Variants in RAD50 observed in about 807,000 individuals in gnomAD.
RAD50 encodes the protein RAD50 double strand break repair protein, also known as DNA repair protein RAD50.
In RAD50, 132 loss-of-function variants were observed where a neutral mutation model predicts 168.8. The observed-to-expected ratio is 0.78, with a 90% CI of 0.68 to 0.90. The LOEUF is 0.90. RAD50 is among the 40% of genes least tolerant of loss of function. The pLI, the probability that RAD50 is intolerant of heterozygous loss-of-function variation, is 0.00. For synonymous variants in RAD50, 525 were observed against 497.4 expected (o/e 1.06, Z -0.74); for missense variants, 1,347 against 1,534.4 (o/e 0.88, Z 2.04).
chr5:132,645,078 C>T lies in RAD50; in HGVS notation c.*2714C>T, dbSNP rs1326628784. The T allele has an allele frequency of 6.6e-6, 1 of 152,206 alleles. No homozygotes were observed. Among genetic ancestry groups the T allele is most frequent in the Non-Finnish European group, 1.5e-5 (1 of 68,072 alleles). The allele number at this position is 152,206 out of a possible 1,614,324, so 9.4% of individuals were successfully genotyped here. On this transcript the variant is annotated 3_prime_UTR_variant, in exon 25 of 25. Transcript: ENST00000378823. ...GTGAGAAGATACTCAGTTCTATGGT[C>T]TTATTCTAGAGCCCCGTCCTTTTAA...
At chr5:132,582,684 C>CT (rs959017843) in intron 5 of RAD50, among the ~76,000 whole-genome samples, 2 of 151,754 alleles carry the variant, frequency 1.3e-5, no homozygotes, top group Non-Finnish European at 2.9e-5. Flanking sequence ...ATGTTTCTAA[C>CT]TTTTTTTTTC....
chr5:132,606,501 C>T (rs1259510948), intron 16 of RAD50, among the ~76,000 whole-genome samples: 1 of 152,138 alleles, frequency 6.6e-6, no homozygotes, highest in African/African-American at 2.4e-5. Flanking sequence ...AAAAGAAGTC[C>T]AGGACCAGAC....
intron 13 of RAD50, among the ~76,000 whole-genome samples, chr5:132,602,034 T>G (rs1436927120): frequency 6.6e-6 from 1 of 152,108 alleles, no homozygotes; most frequent in African/African-American, 2.4e-5. Flanking sequence ...ATGTAGATGA[T>G]GGGTTCATGG....
At chr5:132,596,052 C>CA (rs918752377) in intron 13 of RAD50, among the ~76,000 whole-genome samples, 1 of 151,524 alleles carries the variant, frequency 6.6e-6, no homozygotes, top group African/African-American at 2.4e-5. Flanking sequence ...AGCTGGAGTG[C>CA]AGTGGCATGA....
intron 2 of RAD50, among the ~76,000 whole-genome samples, chr5:132,569,402 G>T (rs533179687): frequency 1.3e-5 from 2 of 152,112 alleles, no homozygotes; most frequent in Non-Finnish European, 1.5e-5. Flanking sequence ...CAGAACTAGG[G>T]AAAATGAAAC....
chr5:132,603,922 G>A lies in RAD50; in HGVS notation c.2400G>A (p.Met800Ile). ...AATCATTTTGTTATATTCTTAAGAT[G>A]GAACTTAAAGATGTTGAAAGAAAAA... ...TDVTIMERFQ[M>I]ELKDVERKIA... The change falls in exon 15 of 25, where the codon ATG (methionine) becomes ATA (isoleucine). Residue 800 changes from methionine to isoleucine, a missense_variant and splice_region_variant. This residue lies in a region of RAD50 where 635 missense variants were observed against 739.2 expected (regional missense o/e 0.86). Coordinates refer to ENST00000378823, the MANE Select transcript of RAD50 (RefSeq NM_005732.4). 6.3e-7 allele frequency: 1 copy of A among 1,596,388 alleles called. No homozygotes were observed.
chr5:132,566,626 C>T (rs1561631166), intron 2 of RAD50, among the ~76,000 whole-genome samples: 1 of 152,224 alleles, frequency 6.6e-6, no homozygotes, highest in Non-Finnish European at 1.5e-5. Flanking sequence ...TCTCAGTTCA[C>T]TCTGTTCACC....
chr5:132,566,748 C>T (rs766970004), intron 2 of RAD50, among the ~76,000 whole-genome samples: 5 of 152,232 alleles, frequency 3.3e-5, no homozygotes, highest in Non-Finnish European at 7.3e-5. Context: ...GTTTAGAAGG[C>T]TGTTAATTTC....
rs189338609 is a variant in RAD50, at chr5:132,623,494, A to G, written c.3389+5200A>G. Among the ~76,000 whole-genome samples the G allele has an allele frequency of 5.7e-3, 870 of 152,170 alleles. 13 individuals carry two copies. The highest frequency in any genetic ancestry group is 0.02 in the African/African-American group (838 of 41,532). On this transcript the variant is annotated intron_variant, in intron 21 of 24. Coordinates refer to ENST00000378823, the MANE Select transcript of RAD50 (RefSeq NM_005732.4). ...AGACTCTGTCTCAAAACTAACAATA[A>G]CAGTAATAATAATAACCCCAAGTTT... is the stretch of plus-strand genomic sequence containing the variant.
chr5:132,588,879 T>C lies in RAD50; in HGVS notation c.1244T>C (p.Met415Thr). ...EGEAKTANQL[M>T]NDFAEKETLK... ...GAAGCAAAAACTGCCAACCAACTGA[T>C]GGCAAGTATTTTGAAATACAGTATT... The change falls in exon 8 of 25, where the codon ATG becomes ACG. Residue 415 changes from methionine to threonine, a missense_variant and splice_region_variant. Physicochemically the swap from Met to Thr is moderately conservative, Grantham distance 81. Coordinates refer to ENST00000378823, the MANE Select transcript of RAD50 (RefSeq NM_005732.4). 1 of 1,608,406 alleles carries C rather than the reference T, an allele frequency of 6.2e-7. No individual in the cohort carries two copies.
chr5:132,638,775 G>A (rs1751649949), intron 23 of RAD50, among the ~76,000 whole-genome samples: 1 of 152,198 alleles, frequency 6.6e-6, no homozygotes, highest in Admixed American at 6.5e-5. Flanking sequence ...CTGGCTTCAG[G>A]TAAGGCTCTG....
intron 19 of RAD50, among the ~76,000 whole-genome samples, chr5:132,614,507 T>C (rs1751141099): frequency 6.6e-6 from 1 of 151,984 alleles, no homozygotes; most frequent in Non-Finnish European, 1.5e-5. Flanking sequence ...GATCCCCCGA[T>C]AAAACAGATA....
intron 21 of RAD50, chr5:132,630,778 C>G (rs1425954108): frequency 1.3e-5 from 2 of 152,240 alleles, no homozygotes; most frequent in Non-Finnish European, 2.9e-5. Flanking sequence ...AGAATCCAGT[C>G]ATGGGTTCTT....
At chr5:132,597,346 G>A (rs530477534) in intron 13 of RAD50, among the ~76,000 whole-genome samples, 233 of 152,250 alleles carry the variant, frequency 1.5e-3, no homozygotes, top group African/African-American at 5.5e-3. Context: ...TGCATGATTG[G>A]TCTATATAAC....
At chr5:132,585,388 A>G (rs1021227945) in intron 5 of RAD50, among the ~76,000 whole-genome samples, 1 of 151,976 alleles carries the variant, frequency 6.6e-6, no homozygotes, top group Non-Finnish European at 1.5e-5. Flanking sequence ...GTAGTGTCTC[A>G]TTGTGACATT....
At chr5:132,585,446 TC>T (rs964279782) in intron 5 of RAD50, among the ~76,000 whole-genome samples, 6 of 152,206 alleles carry the variant, frequency 3.9e-5, no homozygotes, top group African/African-American at 1.4e-4. Context: ...TCCTAGTTGA[TC>T]AGTCAATTGA....
At chr5:132,575,438 A>C (rs1232030550) in intron 2 of RAD50, among the ~76,000 whole-genome samples, 2 of 152,204 alleles carry the variant, frequency 1.3e-5, no homozygotes, top group African/African-American at 2.4e-5. Flanking sequence ...TTGGGTGGAG[A>C]CAAAGACAAA....
Position 132,609,206 on chromosome 5 carries a change from G to T in RAD50, c.2919G>T (p.Lys973Asn). 6.2e-7 allele frequency: 1 copy of T among 1,610,680 alleles called. No individual in the cohort carries two copies. Among genetic ancestry groups the T allele is most frequent in the African/African-American group, 1.3e-5 (1 of 74,884 alleles). ...TTCAAGATGGGAAAGACGACTATAA[G>T]AAGGTAATTTAAAACTTAAAATTAT... ...NYIQDGKDDY[K>N]KQKETELNKV... Residue 973 changes from lysine (K) to asparagine (N), a missense_variant, in exon 18 of 25, where the codon AAG becomes AAT. Around this residue, in one of 3 missense-constraint regions of RAD50, gnomAD observed 635 missense variants for 739.2 expected, o/e 0.86. Coordinates refer to ENST00000378823, the MANE Select transcript of RAD50 (RefSeq NM_005732.4).
At chr5:132,623,813 C>A (rs1357697310) in intron 21 of RAD50, among the ~76,000 whole-genome samples, 4 of 152,138 alleles carry the variant, frequency 2.6e-5, no homozygotes, top group South Asian at 2.1e-4. Context: ...GTCAACAGAC[C>A]AACCTGAGCA....
Sources: gnomAD v4.1 joint callset for allele counts (sites outside exome capture counted in the v4.1 genomes callset) on GRCh38, gnomAD v4.1.1 for gene constraint, gnomAD v4.1.1 regional missense constraint, MANE v1.5 for transcripts, NCBI Gene and HGNC (gene_info 2026-07-23, HGNC 2026-07-21) for gene names.